CALN1: variants seen among roughly 807,000 people sequenced by gnomAD.
The protein encoded by CALN1 is calcium-binding protein 8.
CALN1 carries 17 observed loss-of-function variants against 30.6 expected under a neutral mutation model. The observed-to-expected ratio is 0.56, with a 90% CI of 0.38 to 0.83. The LOEUF (loss-of-function observed/expected upper bound fraction) is 0.83. Among genes scored for constraint, CALN1 ranks in the 40% least tolerant of loss-of-function variants. CALN1 has a pLI of 0.00. For synonymous variants in CALN1, 156 were observed against 131.4 expected (o/e 1.19, Z -1.28); for missense variants, 291 against 354.9 (o/e 0.82, Z 1.45).
At chr7:72,198,703 A>G (rs1358943502) in intron 3 of CALN1, among the ~76,000 whole-genome samples, 1 of 152,218 alleles carries the variant, frequency 6.6e-6, no homozygotes, top group Non-Finnish European at 1.5e-5. Context: ...TTCATCATCA[A>G]AACTGGGCCA....
chr7:72,068,848 C>A (rs575532060), intron 4 of CALN1, among the ~76,000 whole-genome samples: 4 of 152,146 alleles, frequency 2.6e-5, no homozygotes, highest in African/African-American at 9.6e-5. Context: ...CTACCTGACA[C>A]AAGATGATTA....
chr7:71,928,586 G>A (rs1457907562), intron 5 of CALN1, among the ~76,000 whole-genome samples: 1 of 152,050 alleles, frequency 6.6e-6, no homozygotes, highest in African/African-American at 2.4e-5. Flanking sequence ...GTCAAAAAAT[G>A]CAATTACTTT....
intron 3 of CALN1, among the ~76,000 whole-genome samples, chr7:72,196,814 T>G (rs1176946603): frequency 6.6e-6 from 1 of 151,996 alleles, no homozygotes; most frequent in African/African-American, 2.4e-5. Context: ...TTATTCCTGA[T>G]GAGAAAACTG....
chr7:72,445,288 G>C (rs1808494064), intron 1 of CALN1, among the ~76,000 whole-genome samples: 1 of 152,132 alleles, frequency 6.6e-6, no homozygotes, highest in Admixed American at 6.5e-5. Context: ...AGGAAGAGGT[G>C]ACTATAGCTG....
At chr7:72,079,807 G>A (rs138229821) in intron 4 of CALN1, among the ~76,000 whole-genome samples, 218 of 122,522 alleles carry the variant, frequency 1.8e-3, no homozygotes, top group Middle Eastern at 7.5e-3. Context: ...GCCTCACTCC[G>A]TCGCCCAGGC....
At chr7:71,947,205 T>TTCA (rs1796450346) in intron 5 of CALN1, among the ~76,000 whole-genome samples, 1 of 151,878 alleles carries the variant, frequency 6.6e-6, no homozygotes, top group African/African-American at 2.4e-5. Flanking sequence ...GAGACGGGGT[T>TTCA]TCATCATGTT....
intron 4 of CALN1, among the ~76,000 whole-genome samples, chr7:72,077,525 C>T (rs34862805): frequency 0.23 from 34,532 of 152,130 alleles, 4,867 homozygotes; most frequent in East Asian, 0.69. Context: ...CTGCCCGCCT[C>T]GGCCTCCCAA....
intron 3 of CALN1, among the ~76,000 whole-genome samples, chr7:72,107,000 AAAATAGAAAGAAAG>A (rs935767330): frequency 6.7e-6 from 1 of 149,330 alleles, no homozygotes; most frequent in African/African-American, 2.5e-5. Flanking sequence ...GAAAGAAAGA[AAAATAGAAAGAAAG>A]AAAGAGAAAA....
chr7:72,096,755 T>A (rs1344672704), intron 4 of CALN1, among the ~76,000 whole-genome samples: 1 of 152,184 alleles, frequency 6.6e-6, no homozygotes, highest in Middle Eastern at 3.2e-3. Context: ...GTGTGGCGAT[T>A]CCTCAAGGAT....
At chr7:71,961,029 C>G (rs571244902) in intron 5 of CALN1, among the ~76,000 whole-genome samples, 13 of 152,238 alleles carry the variant, frequency 8.5e-5, no homozygotes, top group African/African-American at 2.9e-4. Context: ...GTTTCCCAGG[C>G]TGGTCTTGAA....
intron 3 of CALN1, among the ~76,000 whole-genome samples, chr7:72,181,804 T>C (rs1293338336): frequency 2.0e-5 from 3 of 152,202 alleles, no homozygotes; most frequent in Non-Finnish European, 4.4e-5. Flanking sequence ...TATTACTATA[T>C]GAAAGTGAAA....
At chr7:71,986,370 A>T (rs1422923361) in intron 5 of CALN1, among the ~76,000 whole-genome samples, 1 of 152,200 alleles carries the variant, frequency 6.6e-6, no homozygotes, top group Non-Finnish European at 1.5e-5. Context: ...CTGGCCAGAT[A>T]AATCTTAAAA....
intron 5 of CALN1, among the ~76,000 whole-genome samples, chr7:71,875,031 G>C (rs1175051177): frequency 6.6e-6 from 1 of 151,984 alleles, no homozygotes; most frequent in African/African-American, 2.4e-5. Flanking sequence ...TGAGTGTGGG[G>C]GTGCATGCTT....
intron 2 of CALN1, among the ~76,000 whole-genome samples, chr7:72,377,867 G>A (rs1269167619): frequency 1.3e-5 from 2 of 152,064 alleles, no homozygotes; most frequent in Non-Finnish European, 2.9e-5. Flanking sequence ...GAGCACTTAG[G>A]GCCTCCTCAG....
At chr7:72,306,243 T>A (rs1450208433) in intron 2 of CALN1, among the ~76,000 whole-genome samples, 1 of 152,222 alleles carries the variant, frequency 6.6e-6, no homozygotes. Flanking sequence ...GGGGAAAATG[T>A]ACATCTGTAA....
chr7:72,249,104 C>A (rs911620720), intron 3 of CALN1, among the ~76,000 whole-genome samples: 1 of 152,184 alleles, frequency 6.6e-6, no homozygotes, highest in African/African-American at 2.4e-5. Flanking sequence ...GGCAACTAGA[C>A]ATCGCAGAGT....
chr7:72,484,594 A>C, the CALN1 span, among the ~76,000 whole-genome samples: 2 of 151,984 alleles, frequency 1.3e-5, no homozygotes, highest in Non-Finnish European at 2.9e-5. Context: ...TGAATAGTTG[A>C]GGGTCGCCCT....
the CALN1 span, among the ~76,000 whole-genome samples, chr7:72,464,143 A>G: frequency 1.3e-5 from 2 of 152,070 alleles, no homozygotes; most frequent in Non-Finnish European, 2.9e-5. Context: ...AGAGAAAGAA[A>G]GAGAGAGACA....
At chr7:72,174,615 A>C (rs1205254285) in intron 3 of CALN1, among the ~76,000 whole-genome samples, 1 of 152,222 alleles carries the variant, frequency 6.6e-6, no homozygotes, top group Non-Finnish European at 1.5e-5. Context: ...GATGAATCTC[A>C]AAATAATATG....
Sources: allele counts gnomAD v4.1 joint callset (sites outside exome capture counted in the v4.1 genomes callset), GRCh38; gene constraint gnomAD v4.1.1; transcripts MANE v1.5; gene names NCBI Gene and HGNC (gene_info 2026-07-23, HGNC 2026-07-21).